Variants in WDR64 observed in about 807,000 individuals in gnomAD.
WDR64 encodes the protein WD repeat domain 64, also known as WD repeat-containing protein 64.
Under a neutral mutation model 139.3 loss-of-function variants are expected in WDR64, and 112 were observed. The ratio of observed to expected loss-of-function variants is 0.80; its 90% confidence interval spans 0.69 to 0.94. The LOEUF (loss-of-function observed/expected upper bound fraction) is 0.94, where lower values mean the gene tolerates loss of function less well. WDR64 is among the 40% of genes least tolerant of loss of function. WDR64 has a pLI of 0.00. For synonymous variants in WDR64, 444 were observed against 437.7 expected (o/e 1.01, Z -0.18); for missense variants, 1,206 against 1,293.1 (o/e 0.93, Z 1.03).
Position 241,741,552 on chromosome 1 carries a change from T to A in WDR64, c.1358T>A (p.Met453Lys). The change falls in exon 12 of 28, where the codon ATG becomes AAG. Residue 453 changes from methionine to lysine, a missense_variant. Coordinates refer to ENST00000437684, the MANE Select transcript of WDR64 (RefSeq NM_001367482.1). ...ATGGACATGTATCCTTTGACTAGGA[T>A]GATACAAGATACAAAACAGGTTCCT... Reference protein sequence around the residue: ...SVMDMYPLTRMIQDTKQVPHT... With the variant: ...SVMDMYPLTRKIQDTKQVPHT... 1 of 1,613,108 alleles carries A rather than the reference T, an allele frequency of 6.2e-7. No homozygotes were observed. Among genetic ancestry groups the A allele is most frequent in the Non-Finnish European group, 8.5e-7 (1 of 1,179,748 alleles).
chr1:241,793,545 T>A (rs189167978), intron 25 of WDR64, among the ~76,000 whole-genome samples: 1 of 152,254 alleles, frequency 6.6e-6, no homozygotes. Context: ...TCATATTTAA[T>A]AAATATTTAA....
At position 241,680,351 on chromosome 1, in the gene WDR64, A is replaced by G. The variant is rs180782356; in HGVS notation, c.624+756A>G. 4.6e-5 allele frequency among the ~76,000 whole-genome samples: 7 copies of G among 152,316 alleles called. No homozygotes were observed. The East Asian group carries it at 1.3e-3, about 29-fold the overall frequency. On this transcript the variant is annotated intron_variant, in intron 6 of 27. Transcript: ENST00000437684. Reference sequence around the variant, plus strand: ...TTTTGCTATTTGTTCATAATGTTGTAACCAACTAGTGATGCCAGAATAATT... The same window carrying G: ...TTTTGCTATTTGTTCATAATGTTGTGACCAACTAGTGATGCCAGAATAATT...
At position 241,687,433 on chromosome 1, in the gene WDR64, A is replaced by G. The variant is rs1213049795; in HGVS notation, c.840-28A>G. 5 of 1,612,386 alleles carry G rather than the reference A, an allele frequency of 3.1e-6. No individual in the cohort carries two copies. The African/African-American group carries it at 6.7e-5, about 22-fold the overall frequency. On this transcript the variant is annotated intron_variant, in intron 7 of 27. Coordinates refer to ENST00000437684, the MANE Select transcript of WDR64 (RefSeq NM_001367482.1). ...TTATACGTTTGTGTGTCTAACATAA[A>G]TCTCCCCTGCCTTTTCTTAATCCCC...
At chr1:241,729,260 A>T (rs1402623320) in intron 10 of WDR64, among the ~76,000 whole-genome samples, 1 of 152,044 alleles carries the variant, frequency 6.6e-6, no homozygotes, top group Non-Finnish European at 1.5e-5. Flanking sequence ...CCATCCACCA[A>T]GGGGCTCCCA....
intron 5 of WDR64, 41 bp from the exon 6 acceptor site, chr1:241,679,444 G>A (rs1460778062): frequency 6.6e-7 from 1 of 1,515,586 alleles, no homozygotes; most frequent in Non-Finnish European, 9.0e-7. Flanking sequence ...GGTCATTGAA[G>A]GAAATGCATT....
intron 10 of WDR64, among the ~76,000 whole-genome samples, chr1:241,724,204 T>G (rs1381571133): frequency 1.3e-5 from 2 of 152,160 alleles, no homozygotes; most frequent in African/African-American, 2.4e-5. Context: ...TAAGATATTC[T>G]CCATCAGTTT....
At chr1:241,682,020 T>C (rs1285519236) in intron 6 of WDR64, among the ~76,000 whole-genome samples, 1 of 152,242 alleles carries the variant, frequency 6.6e-6, no homozygotes, top group African/African-American at 2.4e-5. Context: ...TTGTAGATTC[T>C]GGATATTAGT....
intron 10 of WDR64, among the ~76,000 whole-genome samples, chr1:241,737,343 T>C (rs1050035668): frequency 2.6e-5 from 4 of 152,178 alleles, no homozygotes; most frequent in East Asian, 1.9e-4. Flanking sequence ...GCCTTAGCAA[T>C]AGTGAAGATT....
At chr1:241,740,067 T>C (rs1195515275) in intron 11 of WDR64, among the ~76,000 whole-genome samples, 1 of 152,212 alleles carries the variant, frequency 6.6e-6, no homozygotes, top group Non-Finnish European at 1.5e-5. Flanking sequence ...GTAGTAATTA[T>C]TTTTTCTATT....
chr1:241,674,968 T>TTC (rs143287513), intron 4 of WDR64, among the ~76,000 whole-genome samples: 22,783 of 44,530 alleles, frequency 0.51, 6,370 homozygotes, highest in Non-Finnish European at 0.54. Context: ...CCTCCCTTCT[T>TTC]TTTCTTTCCT....
rs539414875 is a variant in WDR64, at chr1:241,655,642, T to C, written c.145+3013T>C. On this transcript the variant is annotated intron_variant, in intron 1 of 27. Transcript: ENST00000437684. Reference sequence around the variant, plus strand: ...ACAAACTTCTTGGCATTTCCAAACATGCTCTTAATGACTCTGATTTTGCGC... The same window carrying C: ...ACAAACTTCTTGGCATTTCCAAACACGCTCTTAATGACTCTGATTTTGCGC... Among the ~76,000 whole-genome samples the C allele has an allele frequency of 9.5e-4, 145 of 152,218 alleles. 2 individuals are homozygous for C. The South Asian group carries it at 0.028, about 30-fold the overall frequency.
chr1:241,790,861 T>C (rs1659195383), intron 25 of WDR64, among the ~76,000 whole-genome samples, 165 bp downstream of exon 25: 1 of 152,174 alleles, frequency 6.6e-6, no homozygotes. Context: ...ATTAATTATC[T>C]CCCAATTTTG....
At chr1:241,715,555 C>T (rs968724122) in intron 9 of WDR64, among the ~76,000 whole-genome samples, 3 of 152,156 alleles carry the variant, frequency 2.0e-5, no homozygotes, top group African/African-American at 4.8e-5. Context: ...GTCGCCGTTG[C>T]ATGTCTTTAG....
chr1:241,713,043 G>C (rs138946402), intron 9 of WDR64, among the ~76,000 whole-genome samples: 1 of 148,288 alleles, frequency 6.7e-6, no homozygotes, highest in Non-Finnish European at 1.5e-5. Flanking sequence ...GCAGTGGCTC[G>C]CACCAATAAT....
At chr1:241,675,611 A>G (rs1455274440) in intron 4 of WDR64, among the ~76,000 whole-genome samples, 1 of 152,222 alleles carries the variant, frequency 6.6e-6, no homozygotes, top group Non-Finnish European at 1.5e-5. Flanking sequence ...CCCATCAGGA[A>G]CTTTGGACTT....
At chr1:241,654,982 T>C (rs1665523223) in intron 1 of WDR64, among the ~76,000 whole-genome samples, 2 of 152,212 alleles carry the variant, frequency 1.3e-5, no homozygotes, top group African/African-American at 2.4e-5. Context: ...ATCCATAATC[T>C]GAAACACTTC....
chr1:241,784,159 C>A (rs1479167868), intron 23 of WDR64, among the ~76,000 whole-genome samples: 5 of 152,174 alleles, frequency 3.3e-5, no homozygotes, highest in Non-Finnish European at 7.3e-5. Flanking sequence ...CAGACCAAAG[C>A]CACACAGTGT....
intron 9 of WDR64, among the ~76,000 whole-genome samples, chr1:241,717,486 C>T (rs941018082): frequency 3.3e-5 from 5 of 151,944 alleles, no homozygotes; most frequent in Admixed American, 6.6e-5. Context: ...GAACTAAGCC[C>T]GCTCATCTCA....
At chr1:241,723,148 A>C (rs1668668585) in intron 9 of WDR64, 149 bp from the exon 10 acceptor site, 2 of 1,008,258 alleles carry the variant, frequency 2.0e-6, no homozygotes, top group Admixed American at 5.9e-5. Flanking sequence ...CCAGCCCCTT[A>C]GCACATCAAT....
Sources: allele counts gnomAD v4.1 joint callset (sites outside exome capture counted in the v4.1 genomes callset), GRCh38; gene constraint gnomAD v4.1.1; transcripts MANE v1.5; gene names NCBI Gene and HGNC (gene_info 2026-07-23, HGNC 2026-07-21).